The following MSRA variants were observed in gnomAD, a reference collection of about 807,000 sequenced individuals.
The protein encoded by MSRA is methionine sulfoxide reductase A.
A neutral mutation model predicts 31.3 loss-of-function variants in MSRA; 54 were observed. The ratio of observed to expected loss-of-function variants is 1.73; its 90% CI spans 1.39 to 2.17. MSRA has a LOEUF of 2.17. Ranked by LOEUF, MSRA falls within the 30% of genes most tolerant of loss-of-function variation. The probability of loss-of-function intolerance (pLI) is 0.00; values close to 1 mark genes in which losing one functional copy is unlikely to be tolerated. For synonymous variants in MSRA, 169 were observed against 116.5 expected, an observed-to-expected ratio of 1.45 and a Z score of -2.90; for missense variants, 507 against 300.9, an observed-to-expected ratio of 1.69 and a Z score of -5.07.
chr8:10,095,386 T>C (rs941686491), intron 1 of MSRA, among the ~76,000 whole-genome samples: 1 of 152,226 alleles, frequency 6.6e-6, no homozygotes, highest in African/African-American at 2.4e-5. Flanking sequence ...TTGGCAGAAG[T>C]CGATGCTGTT....
intron 3 of MSRA, among the ~76,000 whole-genome samples, chr8:10,271,812 G>T (rs1041830482): frequency 2.6e-5 from 4 of 151,450 alleles, no homozygotes; most frequent in Admixed American, 2.6e-4. Flanking sequence ...TCGGCCTCCT[G>T]GGTTCAAGTG....
At chr8:10,077,545 A>G (rs1002830179) in intron 1 of MSRA, among the ~76,000 whole-genome samples, 2 of 144,076 alleles carry the variant, frequency 1.4e-5, no homozygotes, top group African/African-American at 5.2e-5. Context: ...CTGGTCTTCA[A>G]CTCATGAGCT....
intron 2 of MSRA, among the ~76,000 whole-genome samples, chr8:10,215,214 C>T (rs996284620): frequency 7.2e-5 from 11 of 152,214 alleles, no homozygotes; most frequent in Admixed American, 2.6e-4. Flanking sequence ...GTGAAGCCCT[C>T]CTCCCACAAA....
intron 5 of MSRA, among the ~76,000 whole-genome samples, chr8:10,400,359 C>G (rs1807378024): frequency 6.2e-5 from 1 of 16,202 alleles, no homozygotes; most frequent in Non-Finnish European, 1.5e-4. Flanking sequence ...CCTATTCAGG[C>G]TCTGTGTGTG....
intron 5 of MSRA, among the ~76,000 whole-genome samples, chr8:10,360,872 G>T (rs1012501863): frequency 6.6e-6 from 1 of 152,178 alleles, no homozygotes; most frequent in Non-Finnish European, 1.5e-5. Flanking sequence ...TGGAGTTCAT[G>T]CCTGCCACTC....
chr8:10,407,724 C>T (rs1324824212), intron 5 of MSRA, among the ~76,000 whole-genome samples: 1 of 152,134 alleles, frequency 6.6e-6, no homozygotes, highest in Non-Finnish European at 1.5e-5. Context: ...AATGGTGGGG[C>T]ACAGAGTGAG....
intron 3 of MSRA, among the ~76,000 whole-genome samples, chr8:10,254,111 A>C (rs1394406447): frequency 6.6e-6 from 1 of 151,932 alleles, no homozygotes; most frequent in Non-Finnish European, 1.5e-5. Flanking sequence ...TTTGCTTAAT[A>C]AATCCTGGCC....
chr8:10,153,596 G>A (rs977503352), intron 1 of MSRA, among the ~76,000 whole-genome samples: 2 of 151,986 alleles, frequency 1.3e-5, no homozygotes, highest in Non-Finnish European at 2.9e-5. Context: ...TTTTTTTGGT[G>A]GCAGTTAGGG....
chr8:10,210,751 T>G (rs1314540805), intron 2 of MSRA, among the ~76,000 whole-genome samples: 2 of 149,398 alleles, frequency 1.3e-5, no homozygotes, highest in Admixed American at 1.3e-4. Flanking sequence ...TTTTTTTTTT[T>G]GAGATGGTGT....
intron 1 of MSRA, 114 bp downstream of exon 1, chr8:10,054,772 C>T: frequency 1.6e-6 from 2 of 1,222,696 alleles, no homozygotes; most frequent in Non-Finnish European, 2.1e-6. Context: ...TCGGGCGGGT[C>T]GCGGGGTGGG....
At chr8:10,169,493 G>A (rs1038456652) in intron 1 of MSRA, among the ~76,000 whole-genome samples, 2 of 152,154 alleles carry the variant, frequency 1.3e-5, no homozygotes, top group Admixed American at 6.5e-5. Context: ...AAACCTAGGT[G>A]TAAAACATAA....
intron 1 of MSRA, among the ~76,000 whole-genome samples, chr8:10,084,000 G>A (rs551026887): frequency 6.6e-6 from 1 of 152,176 alleles, no homozygotes. Context: ...AAATAAAATT[G>A]AGGTCTTCGT....
chr8:10,295,024 G>A (rs568513902), intron 3 of MSRA, among the ~76,000 whole-genome samples: 40 of 152,254 alleles, frequency 2.6e-4, no homozygotes, highest in African/African-American at 7.9e-4. Flanking sequence ...CCAGCTTGGC[G>A]ATAGATGAGT....
rs1262945208 is a variant in MSRA at position 10,425,765 on chromosome 8, C to T, written c.544-2383C>T. ...TCACACCTGTGGGCAAGAGCACACCCGGGCTCTGGGCCAAGTAAGCCTGTG... is the reference window on the plus strand; with the variant it reads ...TCACACCTGTGGGCAAGAGCACACCTGGGCTCTGGGCCAAGTAAGCCTGTG... On this transcript the variant is annotated intron_variant, in intron 5 of 5. Transcript: ENST00000317173. Among the ~76,000 whole-genome samples the T allele has an allele frequency of 3.3e-5, 5 of 152,224 alleles. 1 individual carries two copies. Among genetic ancestry groups the T allele is most frequent in the Admixed American group, 1.3e-4 (2 of 15,290 alleles).
chr8:10,059,537 T>G (rs1050446868), intron 1 of MSRA, among the ~76,000 whole-genome samples: 1 of 152,228 alleles, frequency 6.6e-6, no homozygotes, highest in Non-Finnish European at 1.5e-5. Context: ...GAGAACAGAA[T>G]GTTTTTATAA....
intron 1 of MSRA, among the ~76,000 whole-genome samples, chr8:10,132,940 G>A (rs752484631): frequency 3.9e-5 from 6 of 152,230 alleles, no homozygotes; most frequent in Admixed American, 1.3e-4. Flanking sequence ...CAGGCCAGAA[G>A]GTTCTACAAT....
At chr8:10,084,748 T>A (rs922617261) in intron 1 of MSRA, among the ~76,000 whole-genome samples, 1 of 152,202 alleles carries the variant, frequency 6.6e-6, no homozygotes, top group African/African-American at 2.4e-5. Context: ...TAGTAAGTGC[T>A]AAATAAAATT....
intron 3 of MSRA, among the ~76,000 whole-genome samples, chr8:10,245,534 T>C (rs1797578398): frequency 6.6e-6 from 1 of 152,232 alleles, no homozygotes; most frequent in South Asian, 2.1e-4. Context: ...TTTATGGTTC[T>C]TCTGTTAGCC....
At chr8:10,233,749 G>A (rs1380751796) in intron 2 of MSRA, among the ~76,000 whole-genome samples, 1 of 152,172 alleles carries the variant, frequency 6.6e-6, no homozygotes, top group Non-Finnish European at 1.5e-5. Context: ...AGAATTGCGA[G>A]AATAGTGGAG....
Sources: allele counts gnomAD v4.1 joint callset (sites outside exome capture counted in the v4.1 genomes callset), GRCh38; gene constraint gnomAD v4.1.1; transcripts MANE v1.5; gene names NCBI Gene and HGNC (gene_info 2026-07-23, HGNC 2026-07-21).